The following MAP3K5 variants were observed in gnomAD, a reference collection of about 807,000 sequenced individuals.
MAP3K5 encodes ASK-1.
MAP3K5 carries 56 observed loss-of-function variants against 158.7 expected under a neutral mutation model. The ratio of observed to expected loss-of-function variants is 0.35; its 90% CI spans 0.28 to 0.44. MAP3K5 has a LOEUF of 0.44. MAP3K5 is among the 20% of genes least tolerant of loss of function. MAP3K5 has a pLI of 1.00. For missense variants in MAP3K5, 1,294 were observed against 1,674.8 expected, an observed-to-expected ratio of 0.77 and a Z score of 3.97; for synonymous variants, 579 against 601.7, an observed-to-expected ratio of 0.96 and a Z score of 0.55.
At chr6:136,756,519 G>A (rs1783495369) in intron 1 of MAP3K5, among the ~76,000 whole-genome samples, 1 of 152,120 alleles carries the variant, frequency 6.6e-6, no homozygotes, top group Admixed American at 6.5e-5. Flanking sequence ...CGCAATCTCG[G>A]CTCACTGCAA....
At chr6:136,663,644 C>T (rs1250445574) in intron 8 of MAP3K5, among the ~76,000 whole-genome samples, 1 of 138,466 alleles carries the variant, frequency 7.2e-6, no homozygotes, top group Non-Finnish European at 1.5e-5. Flanking sequence ...GAATCTCACT[C>T]TATTGCCCAG....
At chr6:136,633,904 C>A (rs147173873) in intron 14 of MAP3K5, among the ~76,000 whole-genome samples, 1 of 152,112 alleles carries the variant, frequency 6.6e-6, no homozygotes, top group Non-Finnish European at 1.5e-5. Context: ...GAATAATTGA[C>A]GCATGTATTG....
intron 25 of MAP3K5, among the ~76,000 whole-genome samples, chr6:136,576,683 G>A (rs1341620594): frequency 1.3e-5 from 2 of 152,056 alleles, no homozygotes; most frequent in East Asian, 3.8e-4. Context: ...TCCTTTTATT[G>A]AAGAATGGCA....
intron 1 of MAP3K5, among the ~76,000 whole-genome samples, chr6:136,769,022 C>T (rs561840222): frequency 6.6e-6 from 1 of 152,178 alleles, no homozygotes; most frequent in East Asian, 1.9e-4. Flanking sequence ...CTTAAGCAAG[C>T]TGAAATCATG....
intron 7 of MAP3K5, among the ~76,000 whole-genome samples, chr6:136,673,000 A>G (rs561049945): frequency 1.3e-4 from 19 of 151,468 alleles, no homozygotes; most frequent in East Asian, 7.7e-4. Flanking sequence ...AAAAAAAAAA[A>G]AAAAAGAAAA....
chr6:136,783,163 G>C (rs1321028399), intron 1 of MAP3K5, among the ~76,000 whole-genome samples: 1 of 152,040 alleles, frequency 6.6e-6, no homozygotes, highest in Non-Finnish European at 1.5e-5. Context: ...AAATTGGCCA[G>C]GCTTGGCTGT....
At chr6:136,785,894 CTG>C (rs2115057918) in intron 1 of MAP3K5, among the ~76,000 whole-genome samples, 1 of 152,310 alleles carries the variant, frequency 6.6e-6, no homozygotes, top group South Asian at 2.1e-4. Context: ...GTTCCATAAA[CTG>C]TGTTAACCAG....
intron 14 of MAP3K5, among the ~76,000 whole-genome samples, chr6:136,626,677 G>A (rs1249487294): frequency 1.3e-5 from 2 of 152,078 alleles, no homozygotes; most frequent in African/African-American, 4.8e-5. Flanking sequence ...AGCAGGTAAA[G>A]AAGCTCAACT....
In MAP3K5 at chr6:136,601,034, C is replaced by G. The variant is rs774445140; in HGVS notation, c.2866G>C (p.Ala956Pro). 1 of 1,613,816 alleles carries G rather than the reference C, an allele frequency of 6.2e-7. No homozygotes were observed. The highest frequency in any genetic ancestry group is 1.1e-5 in the South Asian group (1 of 91,070). The part of the protein sequence containing the change: ...KTQPKLSALS[A>P]GSNEYLRSIS... Reference sequence around the variant, plus strand: ...AAAACAAACTCACCATTTGATCCAGCTGAAAGAGCTGTGGAAAGAAAAGCA... The same window carrying G: ...AAAACAAACTCACCATTTGATCCAGGTGAAAGAGCTGTGGAAAGAAAAGCA... Residue 956 changes from alanine to proline, a missense_variant, in exon 21 of 30, where the codon GCT becomes CCT. Transcript: ENST00000359015.
chr6:136,606,900 T>C (rs575118769), intron 18 of MAP3K5, among the ~76,000 whole-genome samples: 2 of 152,378 alleles, frequency 1.3e-5, no homozygotes, highest in East Asian at 3.9e-4. Context: ...GACTATTGTT[T>C]ACAAAAATAA....
Position 136,651,028 on chromosome 6 carries a change from C to T in MAP3K5, c.1744G>A (p.Glu582Lys). 1 of 1,612,044 alleles carries T rather than the reference C, an allele frequency of 6.2e-7. No individual in the cohort carries two copies. The highest frequency in any genetic ancestry group is 8.5e-7 in the Non-Finnish European group (1 of 1,178,772). Residue 582 changes from glutamate to lysine, a missense_variant, in exon 11 of 30, where the codon GAG becomes AAG. Physicochemically the swap from Glu to Lys is moderately conservative, Grantham distance 56. Transcript: ENST00000359015. ...PSYLSINNEV[E>K]EKTISIWHVL... ...TGCCAAATAGAGATTGTCTTTTCCT[C>T]AACTTCATTGTTGATAGACAAATAA...
intron 7 of MAP3K5, among the ~76,000 whole-genome samples, chr6:136,679,083 C>A (rs1194192690): frequency 6.6e-6 from 1 of 152,204 alleles, no homozygotes; most frequent in African/African-American, 2.4e-5. Context: ...AAGATGTAAA[C>A]TTCTCTTTTG....
chr6:136,759,663 G>A (rs2114961601), intron 1 of MAP3K5, among the ~76,000 whole-genome samples: 1 of 151,146 alleles, frequency 6.6e-6, no homozygotes, highest in Admixed American at 6.6e-5. Flanking sequence ...GTAGAAACGA[G>A]GTTTTTGCCA....
intron 1 of MAP3K5, among the ~76,000 whole-genome samples, chr6:136,751,571 C>T (rs750269032): frequency 1.3e-5 from 2 of 152,188 alleles, no homozygotes; most frequent in Non-Finnish European, 2.9e-5. Flanking sequence ...CTGAATTAAA[C>T]GCTCCCTTCC....
In MAP3K5 at chr6:136,605,122, T is replaced by G. The variant is rs1450158861; in HGVS notation, c.2679+87A>C. 4.4e-6 allele frequency: 6 copies of G among 1,350,108 alleles called. No individual in the cohort carries two copies. In the Admixed American group the frequency reaches 1.1e-4, roughly 24 times the overall value. The allele number at this position is 1,350,108 out of a possible 1,614,324, so 83.6% of individuals were successfully genotyped here. A position where few individuals can be genotyped will look rare whatever the true frequency, so the allele number is the denominator to read the frequency against. On this transcript the variant is annotated intron_variant, in intron 19 of 29. Transcript: ENST00000359015. ...AGTTGTGTTTACTTAGCACCCTTTATCTAAAAAAATATGACACACACACAC... is the reference window on the plus strand; with the variant it reads ...AGTTGTGTTTACTTAGCACCCTTTAGCTAAAAAAATATGACACACACACAC...
chr6:136,651,897 T>C (rs931999989), intron 10 of MAP3K5, among the ~76,000 whole-genome samples: 1 of 152,150 alleles, frequency 6.6e-6, no homozygotes, highest in Non-Finnish European at 1.5e-5. Context: ...TGATTCATTA[T>C]CTACTTGTAT....
At position 136,697,368 on chromosome 6, in the gene MAP3K5, T is replaced by C. The variant is rs147737928; in HGVS notation, c.826A>G (p.Ile276Val). Reference sequence around the variant, plus strand: ...CGAGCTTTCCTGATGTCATTGAGTATAGATTCCCGGAAGTACTGGCTGGTA... The same window carrying C: ...CGAGCTTTCCTGATGTCATTGAGTACAGATTCCCGGAAGTACTGGCTGGTA... ...ASSSQYFRES[I>V]LNDIRKARNL... Residue 276 changes from isoleucine to valine, a missense_variant, in exon 5 of 30, where the codon ATA (isoleucine) becomes GTA (valine). Around this residue, in one of 5 missense-constraint regions of MAP3K5, gnomAD observed 690 missense variants for 870.5 expected, o/e 0.79. Transcript: ENST00000359015. The C allele has an allele frequency of 8.3e-5, 134 of 1,610,332 alleles. No homozygotes were observed. In the East Asian group the frequency reaches 2.9e-3, roughly 34 times the overall value.
chr6:136,641,355 G>T (rs1024884076), intron 12 of MAP3K5, among the ~76,000 whole-genome samples: 1 of 152,082 alleles, frequency 6.6e-6, no homozygotes, highest in African/African-American at 2.4e-5. Flanking sequence ...GCATAACCAG[G>T]CTGCAAAAAT....
intron 1 of MAP3K5, among the ~76,000 whole-genome samples, chr6:136,737,048 T>TAC (rs1041864991): frequency 5.4e-5 from 8 of 147,844 alleles, no homozygotes; most frequent in African/African-American, 1.8e-4. Context: ...TATATATATA[T>TAC]ATATATATAA....
Sources: gnomAD v4.1 joint callset for allele counts (sites outside exome capture counted in the v4.1 genomes callset) on GRCh38, gnomAD v4.1.1 for gene constraint, gnomAD v4.1.1 regional missense constraint, MANE v1.5 for transcripts, NCBI Gene and HGNC (gene_info 2026-07-23, HGNC 2026-07-21) for gene names.